The following AFG3L2 variants were observed in gnomAD, a reference collection of about 807,000 sequenced individuals.
AFG3L2 encodes the protein mitochondrial inner membrane m-AAA protease component AFG3L2.
A neutral mutation model predicts 94.5 loss-of-function variants in AFG3L2; 54 were observed. The ratio of observed to expected loss-of-function variants is 0.57; its 90% CI spans 0.46 to 0.72. The LOEUF (loss-of-function observed/expected upper bound fraction) is 0.72, where lower values mean the gene tolerates loss of function less well. Among genes scored for constraint, AFG3L2 ranks in the 30% least tolerant of loss-of-function variants. The pLI, the probability that AFG3L2 is intolerant of heterozygous loss-of-function variation, is 0.00. For missense variants in AFG3L2, 754 were observed against 994.9 expected (o/e 0.76, Z 3.26); for synonymous variants, 377 against 365.5 (o/e 1.03, Z -0.36).
chr18:12,345,807 TG>T (rs1568137327), intron 13 of AFG3L2, among the ~76,000 whole-genome samples: 1 of 152,220 alleles, frequency 6.6e-6, no homozygotes, highest in African/African-American at 2.4e-5. Context: ...TATTATATTT[TG>T]CTTCATTCCA....
At chr18:12,340,553 C>G in intron 14 of AFG3L2, 152 bp from the exon 15 acceptor site, 1 of 712,360 alleles carries the variant, frequency 1.4e-6, no homozygotes, top group Non-Finnish European at 2.5e-6. Context: ...GCAGTGACTG[C>G]TCAGGAGGAG....
intron 9 of AFG3L2, among the ~76,000 whole-genome samples, chr18:12,353,932 C>T (rs1478519358): frequency 6.6e-6 from 1 of 152,128 alleles, no homozygotes; most frequent in African/African-American, 2.4e-5. Flanking sequence ...AGCCAAAGAC[C>T]ATCCAAGCCC....
At chr18:12,362,769 AC>A (rs542749306) in intron 6 of AFG3L2, among the ~76,000 whole-genome samples, 74 of 152,166 alleles carry the variant, frequency 4.9e-4, no homozygotes, top group Non-Finnish European at 9.3e-4. Context: ...CTACGTATAG[AC>A]AATGTGTGAG....
intron 14 of AFG3L2, 104 bp from the exon 15 acceptor site, chr18:12,340,505 A>C: frequency 1.1e-6 from 1 of 909,470 alleles, no homozygotes; most frequent in Non-Finnish European, 1.8e-6. Flanking sequence ...TAAGCACAAC[A>C]GCCGCACAGT....
intron 14 of AFG3L2, 69 bp from the exon 15 acceptor site, chr18:12,340,470 A>C: frequency 1.3e-5 from 16 of 1,203,254 alleles, no homozygotes; most frequent in East Asian, 2.3e-5. Context: ...TCTGTGTATA[A>C]ACAGATAAAC....
chr18:12,332,940 C>CATATAATAACTAAT (rs1907589766), intron 16 of AFG3L2, among the ~76,000 whole-genome samples: 1 of 112,202 alleles, frequency 8.9e-6, no homozygotes, highest in South Asian at 2.4e-4. Flanking sequence ...TACTATATAA[C>CATATAATAACTAAT]ATATAATATA....
rs543804504 is a variant in AFG3L2, at chr18:12,372,609, C to T, written c.115-918G>A. 9.2e-5 allele frequency among the ~76,000 whole-genome samples: 14 copies of T among 152,314 alleles called. 1 individual carries two copies. The South Asian group carries it at 1.9e-3, about 20-fold the overall frequency. The stretch of plus-strand genomic sequence containing the variant: ...CACAAATGTTCACAGAAGCCTTATT[C>T]ATAACAGTCAAAAAGTAGGAACAAG... On this transcript the variant is annotated intron_variant, in intron 1 of 16. Transcript: ENST00000269143.
At position 12,371,780 on chromosome 18, in the gene AFG3L2, G is replaced by A; in HGVS notation, c.115-89C>T. 8.5e-6 allele frequency: 9 copies of A among 1,061,490 alleles called. No homozygotes were observed. In the South Asian group the frequency reaches 1.1e-4, roughly 13 times the overall value. The allele number at this position is 1,061,490 out of a possible 1,614,324, so 65.8% of individuals were successfully genotyped here. ...TTTCCTGGTCATAAAGTAGATGAAA[G>A]GTCTCTCTCTTCCACAGGTGGTTAT... On this transcript the variant is annotated intron_variant, in intron 1 of 16. Coordinates refer to ENST00000269143, the MANE Select transcript of AFG3L2 (RefSeq NM_006796.3).
At chr18:12,330,063 G>A (rs777302227) in intron 16 of AFG3L2, among the ~76,000 whole-genome samples, 1 of 152,242 alleles carries the variant, frequency 6.6e-6, no homozygotes, top group African/African-American at 2.4e-5. Context: ...GGCCGGGCGC[G>A]GTAGCTCGCG....
chr18:12,376,424 G>C (rs1340952834), intron 1 of AFG3L2, among the ~76,000 whole-genome samples: 3 of 152,226 alleles, frequency 2.0e-5, no homozygotes, highest in Admixed American at 2.0e-4. Flanking sequence ...CTCCTGCTGA[G>C]AGCAGGCCCT....
chr18:12,351,027 G>T (rs1402864115), intron 12 of AFG3L2, 58 bp downstream of exon 12: 11 of 1,603,388 alleles, frequency 6.9e-6, no homozygotes, highest in Non-Finnish European at 3.4e-6. Flanking sequence ...CCGGTACCTG[G>T]TAACTGTTAC....
chr18:12,337,597 A>G (rs1907793372), intron 15 of AFG3L2, 62 bp from the exon 16 acceptor site: 2 of 1,544,404 alleles, frequency 1.3e-6, no homozygotes, highest in East Asian at 4.5e-5. Context: ...CAAAATCTAC[A>G]CAGCAGCCTG....
intron 16 of AFG3L2, among the ~76,000 whole-genome samples, chr18:12,335,644 T>C (rs927281250): frequency 6.6e-6 from 1 of 152,208 alleles, no homozygotes; most frequent in Non-Finnish European, 1.5e-5. Flanking sequence ...GTCCACCACC[T>C]GCAAGTGCAG....
At chr18:12,376,756 G>A (rs908677503) in intron 1 of AFG3L2, among the ~76,000 whole-genome samples, 1 of 152,250 alleles carries the variant, frequency 6.6e-6, no homozygotes, top group Non-Finnish European at 1.5e-5. Flanking sequence ...CTGAAGCTGC[G>A]CGTTTTCAAA....
At chr18:12,361,163 A>C (rs1232692283) in intron 6 of AFG3L2, among the ~76,000 whole-genome samples, 1 of 152,198 alleles carries the variant, frequency 6.6e-6, no homozygotes, top group Non-Finnish European at 1.5e-5. Flanking sequence ...TGAGGTGAGG[A>C]GTTTGAGACC....
intron 1 of AFG3L2, among the ~76,000 whole-genome samples, chr18:12,372,497 C>T (rs1325224990): frequency 6.6e-6 from 1 of 152,140 alleles, no homozygotes; most frequent in Non-Finnish European, 1.5e-5. Context: ...CAAAATGGTA[C>T]CACATGACTC....
At position 12,359,919 on chromosome 18, in the gene AFG3L2, G is replaced by C. The variant is rs1470396148; in HGVS notation, c.752+8C>G. On this transcript the variant is annotated splice_region_variant and intron_variant, in intron 7 of 16. Transcript: ENST00000269143. ...CAACAGTCTACAAAATATTATATTT[G>C]AGATTACCCATCACTTTCAGCAATG... 6.2e-7 allele frequency: 1 copy of C among 1,612,670 alleles called. No individual in the cohort carries two copies. The highest frequency in any genetic ancestry group is 1.3e-5 in the African/African-American group (1 of 74,878).
intron 16 of AFG3L2, among the ~76,000 whole-genome samples, chr18:12,331,858 T>TAA (rs1907542871): frequency 1.9e-5 from 1 of 52,868 alleles, no homozygotes; most frequent in African/African-American, 5.7e-5. Context: ...TATATATATA[T>TAA]ATAAAACAAG....
In AFG3L2 at chr18:12,344,026, C is replaced by T. The variant is rs1314646818; in HGVS notation, c.1779+106G>A. The T allele has an allele frequency of 1.5e-5, 15 of 1,027,232 alleles. No homozygotes were observed. In the Admixed American group the frequency reaches 2.5e-4, roughly 17 times the overall value. 63.6% of individuals were successfully genotyped at this position (1,027,232 alleles called of 1,614,324 possible). ...AAGTTACCAGAAGTTTTGGCTAAAG[C>T]CTTGTTTCTTTCTCCTTTGCAGGAG... is the stretch of plus-strand genomic sequence containing the variant. On this transcript the variant is annotated intron_variant, in intron 14 of 16. Coordinates refer to ENST00000269143, the MANE Select transcript of AFG3L2 (RefSeq NM_006796.3).
Sources: allele counts gnomAD v4.1 joint callset (sites outside exome capture counted in the v4.1 genomes callset), GRCh38; gene constraint gnomAD v4.1.1; transcripts MANE v1.5; gene names NCBI Gene and HGNC (gene_info 2026-07-23, HGNC 2026-07-21).